B4GALT7: variants seen among roughly 807,000 people sequenced by gnomAD.
B4GALT7 encodes the protein UDP-Gal:beta-GlcNAc beta-1,4-galactosyltransferase 7.
Under a neutral mutation model 33.0 loss-of-function variants are expected in B4GALT7, and 30 were observed. The observed-to-expected ratio is 0.91, with a 90% confidence interval of 0.68 to 1.23. The LOEUF (loss-of-function observed/expected upper bound fraction) is 1.23. Ranked by LOEUF, B4GALT7 falls within the 50% of genes most tolerant of loss-of-function variation. B4GALT7 has a pLI of 0.00. For synonymous variants in B4GALT7, 213 were observed against 187.2 expected, an observed-to-expected ratio of 1.14 and a Z score of -1.13; for missense variants, 507 against 450.8, an observed-to-expected ratio of 1.12 and a Z score of -1.13.
At chr5:177,609,271 T>C (rs1581997138) in intron 5 of B4GALT7, among the ~76,000 whole-genome samples, 1 of 152,086 alleles carries the variant, frequency 6.6e-6, no homozygotes, top group African/African-American at 2.4e-5. Flanking sequence ...TAGCTGAAGG[T>C]GCCAGAATCC....
In B4GALT7 at chr5:177,608,988, C is replaced by G; in HGVS notation, c.802C>G (p.Gln268Glu). Residue 268 changes from glutamine (Q) to glutamate (E), a missense_variant, in exon 5 of 6, where the codon CAG (glutamine) becomes GAG (glutamate). Coordinates refer to ENST00000029410, the MANE Select transcript of B4GALT7 (RefSeq NM_007255.3). The surrounding 1 kb of genome is among the most constrained non-coding windows in gnomAD (Gnocchi z 4.1). ...LHDPAWRKRD[Q>E]KRIAAQKQEQ... Reference sequence around the variant, plus strand: ...TGACCCAGCCTGGCGGAAGAGGGACCAGAAGCGCATCGCAGCTCAAAAACA... The same window carrying G: ...TGACCCAGCCTGGCGGAAGAGGGACGAGAAGCGCATCGCAGCTCAAAAACA... 1 of 1,612,800 alleles carries G rather than the reference C, an allele frequency of 6.2e-7. No individual in the cohort carries two copies.
chr5:177,600,257 G>T lies in B4GALT7; in HGVS notation c.47G>T (p.Gly16Val). The T allele has an allele frequency of 7.4e-7, 1 of 1,359,774 alleles. No individual in the cohort carries two copies. Among genetic ancestry groups the T allele is most frequent in the Non-Finnish European group, 9.5e-7 (1 of 1,049,880 alleles). 84.2% of individuals were successfully genotyped at this position (1,359,774 alleles called of 1,614,324 possible). The change falls in exon 1 of 6, where the codon GGC (glycine) becomes GTC (valine). Residue 16 changes from glycine to valine, a missense_variant. Coordinates refer to ENST00000029410, the MANE Select transcript of B4GALT7 (RefSeq NM_007255.3). The surrounding 1 kb of genome is among the most constrained non-coding windows in gnomAD (Gnocchi z 4.4). ...GCGGCGCAGCTGCCCTGGGAGGACG[G>T]CAGGTGAGCGGCGGCGGTGGGCCCG... ...RKAAQLPWED[G>V]RSGLLSGGLP...
chr5:177,602,642 AG>A (rs758239174), intron 1 of B4GALT7, among the ~76,000 whole-genome samples: 14 of 152,234 alleles, frequency 9.2e-5, no homozygotes, highest in Non-Finnish European at 1.8e-4. Context: ...GGGCTGGAGC[AG>A]GAAGGAATAT....
In B4GALT7 at chr5:177,608,369, C is replaced by T; in HGVS notation, c.640-170C>T. ...AAGGCCCCGTGAGAACGGGAGAGGG[C>T]CCGGGACGCGCTGCTTCCTGCCGCC... is the stretch of plus-strand genomic sequence containing the variant. On this transcript the variant is annotated intron_variant, in intron 3 of 5. Transcript: ENST00000029410. The surrounding 1 kb of genome is among the most constrained non-coding windows in gnomAD (Gnocchi z 4.1). 1.6e-6 allele frequency: 1 copy of T among 623,542 alleles called. No individual in the cohort carries two copies. The highest frequency in any genetic ancestry group is 2.9e-6 in the Non-Finnish European group (1 of 349,902). 38.6% of individuals were successfully genotyped at this position (623,542 alleles called of 1,614,324 possible).
At position 177,608,953 on chromosome 5, in the gene B4GALT7, G is replaced by A. The variant is rs764639019; in HGVS notation, c.767G>A (p.Arg256His). Reference protein sequence around the residue: ...SGITTGYKTFRHLHDPAWRKR... With the variant: ...SGITTGYKTFHHLHDPAWRKR... ...ATCACAACTGGGTACAAGACATTTC[G>A]CCACCTGCATGACCCAGCCTGGCGG... The change falls in exon 5 of 6, where the codon CGC (arginine) becomes CAC (histidine). Residue 256 changes from arginine (R) to histidine (H), a missense_variant. Coordinates refer to ENST00000029410, the MANE Select transcript of B4GALT7 (RefSeq NM_007255.3). The surrounding 1 kb of genome is among the most constrained non-coding windows in gnomAD (Gnocchi z 4.1). The A allele has an allele frequency of 2.5e-5, 40 of 1,613,462 alleles. No homozygotes were observed. The highest frequency in any genetic ancestry group is 1.7e-4 in the Admixed American group (10 of 60,004).
In B4GALT7 at chr5:177,603,350, C is replaced by T. The variant is rs28592208; in HGVS notation, c.51-829C>T. 2.1e-4 allele frequency: 207 copies of T among 985,376 alleles called. No individual in the cohort carries two copies. In the African/African-American group the frequency reaches 2.8e-3, roughly 13 times the overall value. The allele number at this position is 985,376 out of a possible 1,614,324, so 61.0% of individuals were successfully genotyped here. On this transcript the variant is annotated intron_variant, in intron 1 of 5. Transcript: ENST00000029410. ...GCATACTCAGGAACTTCCAGAGGAGCGGCAAAGGAATCTGGTGAATTCTGT... is the reference window on the plus strand; with the variant it reads ...GCATACTCAGGAACTTCCAGAGGAGTGGCAAAGGAATCTGGTGAATTCTGT...
chr5:177,607,563 G>A (rs1384409195), intron 3 of B4GALT7, 36 bp downstream of exon 3: 1 of 1,584,564 alleles, frequency 6.3e-7, no homozygotes, highest in Non-Finnish European at 8.6e-7. Flanking sequence ...TCAGAGCCGG[G>A]AGCTCCCTCC....
intron 2 of B4GALT7, among the ~76,000 whole-genome samples, chr5:177,604,772 G>A (rs1202511414): frequency 1.3e-5 from 2 of 152,210 alleles, no homozygotes; most frequent in Non-Finnish European, 2.9e-5. Flanking sequence ...GAGAAGCAGG[G>A]AGAGCAGTTA....
intron 1 of B4GALT7, among the ~76,000 whole-genome samples, chr5:177,601,658 C>T (rs1055035343): frequency 2.6e-5 from 4 of 152,142 alleles, no homozygotes; most frequent in Non-Finnish European, 4.4e-5. Flanking sequence ...GCTCTGGAGC[C>T]AGCCTGCCTG....
intron 2 of B4GALT7, among the ~76,000 whole-genome samples, chr5:177,605,619 C>T (rs1016394793): frequency 2.6e-5 from 4 of 152,148 alleles, no homozygotes; most frequent in African/African-American, 9.7e-5. Context: ...GGGCTGACTC[C>T]CACCATCCCC....
In B4GALT7 at chr5:177,605,564, C is replaced by CCAG. The variant is rs1055486202; in HGVS notation, c.413+1025_413+1027dup. ...CCCAGTTCCCTCCACAACTCACCTGCCAGCCTCTGTGCACAGGGACTCAAG... is the reference window on the plus strand; with the variant it reads ...CCCAGTTCCCTCCACAACTCACCTGCCAGCAGCCTCTGTGCACAGGGACTCAAG... On this transcript the variant is annotated intron_variant, in intron 2 of 5. Coordinates refer to ENST00000029410, the MANE Select transcript of B4GALT7 (RefSeq NM_007255.3). Among the ~76,000 whole-genome samples the CCAG allele has an allele frequency of 5.3e-5, 8 of 152,344 alleles. 1 individual carries two copies. The highest frequency in any genetic ancestry group is 1.9e-4 in the African/African-American group (8 of 41,574).
intron 1 of B4GALT7, chr5:177,601,575 T>G (rs774036153): frequency 3.9e-5 from 6 of 152,260 alleles, no homozygotes; most frequent in Non-Finnish European, 8.8e-5. Context: ...TGATGTCAAT[T>G]CTGTGCTTTT....
In B4GALT7 at chr5:177,609,632, C is replaced by T; in HGVS notation, c.921C>T (p.Cys307=). ...RTALSVGGAP[C]TVLNIMLDCD... The stretch of plus-strand genomic sequence containing the variant: ...CCCTGTCTGTGGGCGGGGCCCCCTG[C>T]ACTGTCCTCAACATCATGTTGGACT... Residue 307 remains cysteine, a synonymous_variant, in exon 6 of 6, where the codon TGC becomes TGT. Coordinates refer to ENST00000029410, the MANE Select transcript of B4GALT7 (RefSeq NM_007255.3). 4 of 1,614,000 alleles carry T rather than the reference C, an allele frequency of 2.5e-6. No homozygotes were observed. The highest frequency in any genetic ancestry group is 2.2e-5 in the South Asian group (2 of 91,078).
chr5:177,610,247 C>G lies in B4GALT7; in HGVS notation c.*552C>G, dbSNP rs538173725. On this transcript the variant is annotated 3_prime_UTR_variant, in exon 6 of 6. Transcript: ENST00000029410. ...AGTGTTGCCAGATCTTCTGATTTTT[C>G]GAAAGAAACTAGAATGCTGGATTCT... The G allele has an allele frequency of 1.2e-4, 19 of 157,826 alleles. No homozygotes were observed. The South Asian group carries it at 3.6e-3, about 30-fold the overall frequency. 9.8% of individuals were successfully genotyped at this position (157,826 alleles called of 1,614,324 possible).
chr5:177,601,061 T>A (rs761075942), intron 1 of B4GALT7, among the ~76,000 whole-genome samples: 39 of 152,142 alleles, frequency 2.6e-4, no homozygotes, highest in Non-Finnish European at 4.7e-4. Flanking sequence ...CATGACTGGA[T>A]CTCCTCCTCG....
chr5:177,607,641 C>T, intron 3 of B4GALT7, 114 bp downstream of exon 3: 1 of 1,058,738 alleles, frequency 9.4e-7, no homozygotes, highest in South Asian at 1.4e-5. Context: ...CTGCCCTGGC[C>T]TAGCAGGAGA....
At chr5:177,605,982 C>G (rs772279687) in intron 2 of B4GALT7, 1 of 152,470 alleles carries the variant, frequency 6.6e-6, no homozygotes, top group East Asian at 1.9e-4. Flanking sequence ...CATCTTCTTT[C>G]GTAAAATGCC....
chr5:177,607,200 C>T (rs1581994900), intron 2 of B4GALT7, 102 bp from the exon 3 acceptor site: 1 of 980,712 alleles, frequency 1.0e-6, no homozygotes, highest in Non-Finnish European at 1.6e-6. Flanking sequence ...CAGTGCTGGG[C>T]CAGAGGGCAG....
rs1314915690 is a variant in B4GALT7, at chr5:177,609,727, C to T, written c.*32C>T. 1.9e-6 allele frequency: 3 copies of T among 1,572,342 alleles called. No homozygotes were observed. Among genetic ancestry groups the T allele is most frequent in the Non-Finnish European group, 2.6e-6 (3 of 1,158,886 alleles). On this transcript the variant is annotated 3_prime_UTR_variant, in exon 6 of 6. Coordinates refer to ENST00000029410, the MANE Select transcript of B4GALT7 (RefSeq NM_007255.3). ...TGGACAGTGAGGAAGCCTGTACCTA[C>T]AGGCCATATTGCTCAGGCTCAGGAC... is the stretch of plus-strand genomic sequence containing the variant.
Sources: gnomAD v4.1 joint callset for allele counts (sites outside exome capture counted in the v4.1 genomes callset) on GRCh38, gnomAD v4.1.1 for gene constraint, Gnocchi (gnomAD v3.1) non-coding constraint, MANE v1.5 for transcripts, NCBI Gene and HGNC (gene_info 2026-07-23, HGNC 2026-07-21) for gene names.